PPP3CC: variants seen among roughly 807,000 people sequenced by gnomAD.
PPP3CC encodes the protein protein phosphatase 3 catalytic subunit gamma.
In PPP3CC, 35 loss-of-function variants were observed where a neutral mutation model predicts 60.3. The observed-to-expected ratio is 0.58, with a 90% CI of 0.44 to 0.77. The LOEUF (loss-of-function observed/expected upper bound fraction) is 0.77, where lower values mean the gene tolerates loss of function less well. Ranked by LOEUF, PPP3CC falls within the 30% of genes least tolerant of loss-of-function variation. The probability of loss-of-function intolerance (pLI) is 0.00; values close to 1 mark genes in which losing one functional copy is unlikely to be tolerated. For missense variants in PPP3CC, 570 were observed against 628.9 expected, an observed-to-expected ratio of 0.91 and a Z score of 1.00; for synonymous variants, 206 against 224.3, an observed-to-expected ratio of 0.92 and a Z score of 0.73.
Position 22,526,492 on chromosome 8 carries a change from C to G in PPP3CC, c.944-900C>G, listed in dbSNP as rs146478205. On this transcript the variant is annotated intron_variant, in intron 8 of 13. Transcript: ENST00000240139. ...TAGAAACTATATTTTAATTTATTTT[C>G]TTAATAATATATGGTGTACATTTTA... Among the ~76,000 whole-genome samples, 887 of 152,144 alleles carry G rather than the reference C, an allele frequency of 5.8e-3. 10 individuals carry two copies. Among genetic ancestry groups the G allele is most frequent in the African/African-American group, 0.021 (855 of 41,510 alleles).
At position 22,444,952 on chromosome 8, in the gene PPP3CC, C is replaced by G. The variant is rs565295041; in HGVS notation, c.49+3494C>G. 2.0e-5 allele frequency among the ~76,000 whole-genome samples: 3 copies of G among 152,144 alleles called. No homozygotes were observed. The East Asian group carries it at 5.8e-4, about 29-fold the overall frequency. ...AGCAGTTTATTTCCCTGGAATGAATCTTTTCAGAAGCAACAAGGAAATTTC... is the reference window on the plus strand; with the variant it reads ...AGCAGTTTATTTCCCTGGAATGAATGTTTTCAGAAGCAACAAGGAAATTTC... On this transcript the variant is annotated intron_variant, in intron 1 of 13. Coordinates refer to ENST00000240139, the MANE Select transcript of PPP3CC (RefSeq NM_005605.5).
chr8:22,475,622 G>C lies in PPP3CC; in HGVS notation c.370G>C (p.Glu124Gln). Residue 124 changes from glutamate to glutamine, a missense_variant and splice_region_variant, in exon 3 of 14, where the codon GAG (glutamate) becomes CAG (glutamine). By Grantham distance (29) the Glu-to-Gln change is conservative. Coordinates refer to ENST00000240139, the MANE Select transcript of PPP3CC (RefSeq NM_005605.5). Reference sequence around the variant, plus strand: ...TGTGGACAGAGGCTATTTCAGTATAGAGGTAAAAATTAAACTGGATATGTT... The same window carrying C: ...TGTGGACAGAGGCTATTTCAGTATACAGGTAAAAATTAAACTGGATATGTT... ...DYVDRGYFSI[E>Q]CVLYLWSLKI... The C allele has an allele frequency of 6.2e-7, 1 of 1,611,566 alleles. No individual in the cohort carries two copies. Among genetic ancestry groups the C allele is most frequent in the East Asian group, 2.2e-5 (1 of 44,718 alleles).
At position 22,525,587 on chromosome 8, in the gene PPP3CC, G is replaced by A. The variant is rs148496299; in HGVS notation, c.944-1805G>A. ...CTTTCTCTCTCTCTCTCTTTCTCTC[G>A]GTCTCTGTCACTTAGGTTGGAGCAC... On this transcript the variant is annotated intron_variant, in intron 8 of 13. Transcript: ENST00000240139. Among the ~76,000 whole-genome samples the A allele has an allele frequency of 1.6e-4, 17 of 103,346 alleles. 2 individuals are homozygous for A. The highest frequency in any genetic ancestry group is 5.0e-4 in the African/African-American group (13 of 26,052). 67.8% of individuals were successfully genotyped at this position (103,346 alleles called of 152,430 possible).
intron 1 of PPP3CC, among the ~76,000 whole-genome samples, chr8:22,453,344 C>T (rs1837092468): frequency 6.6e-6 from 1 of 152,180 alleles, no homozygotes; most frequent in South Asian, 2.1e-4. Context: ...TATAGTCACG[C>T]TTACATAGTT....
chr8:22,506,932 T>TA (rs1838941800), intron 4 of PPP3CC, among the ~76,000 whole-genome samples: 1 of 141,438 alleles, frequency 7.1e-6, no homozygotes, highest in African/African-American at 2.5e-5. Flanking sequence ...ATAAATAAAT[T>TA]AATTAATTAA....
At chr8:22,495,990 G>A (rs935509713) in intron 3 of PPP3CC, among the ~76,000 whole-genome samples, 1 of 152,108 alleles carries the variant, frequency 6.6e-6, no homozygotes, top group Non-Finnish European at 1.5e-5. Flanking sequence ...ACTCACTCAT[G>A]TTTTCTTCTA....
At chr8:22,540,373 T>C (rs191880506) in intron 13 of PPP3CC, among the ~76,000 whole-genome samples, 12 of 152,346 alleles carry the variant, frequency 7.9e-5, no homozygotes, top group African/African-American at 7.2e-5. Context: ...TGATTATGCA[T>C]ATAGAGCTTT....
chr8:22,441,655 C>T (rs1000156548), intron 1 of PPP3CC, among the ~76,000 whole-genome samples, 197 bp downstream of exon 1: 7 of 152,172 alleles, frequency 4.6e-5, no homozygotes, highest in African/African-American at 1.7e-4. Flanking sequence ...GGTCAGGTGC[C>T]TGGCCGTCAG....
intron 3 of PPP3CC, 64 bp from the exon 4 acceptor site, chr8:22,497,937 A>G (rs1838638531): frequency 4.8e-6 from 5 of 1,045,314 alleles, no homozygotes; most frequent in Non-Finnish European, 7.1e-6. Context: ...TTTGAATTAT[A>G]TAAATTGTGT....
chr8:22,540,624 G>T lies in PPP3CC; in HGVS notation c.1361G>T (p.Gly454Val). The T allele has an allele frequency of 6.2e-7, 1 of 1,612,918 alleles. No individual in the cohort carries two copies. Among genetic ancestry groups the T allele is most frequent in the Non-Finnish European group, 8.5e-7 (1 of 1,179,642 alleles). ...TCCTGTTTTTCTGTAGCCATCAGAG[G>T]GTTCTCGCTTCAGCACAAGATCCGG... ...EAVEAREAIR[G>V]FSLQHKIRSF... The change falls in exon 14 of 14, where the codon GGG (glycine) becomes GTG (valine). Residue 454 changes from glycine (G) to valine (V), a missense_variant. Gly to Val is a moderately radical substitution (Grantham distance 109, BLOSUM62 -3). Transcript: ENST00000240139.
chr8:22,488,933 A>G (rs1838301392), intron 3 of PPP3CC, among the ~76,000 whole-genome samples: 2 of 152,136 alleles, frequency 1.3e-5, no homozygotes, highest in Non-Finnish European at 2.9e-5. Flanking sequence ...TAAGGGAGAG[A>G]TGGAAGAGGT....
At chr8:22,503,605 G>A (rs1838825811) in intron 4 of PPP3CC, among the ~76,000 whole-genome samples, 1 of 152,126 alleles carries the variant, frequency 6.6e-6, no homozygotes, top group Non-Finnish European at 1.5e-5. Context: ...ATACAGGGAT[G>A]CAATGTGTAA....
chr8:22,458,161 T>C (rs1235207389), intron 1 of PPP3CC, among the ~76,000 whole-genome samples: 5 of 152,172 alleles, frequency 3.3e-5, no homozygotes, highest in Admixed American at 6.5e-5. Flanking sequence ...ACCCATACAA[T>C]GTGAGCATGT....
intron 6 of PPP3CC, among the ~76,000 whole-genome samples, chr8:22,518,773 G>A (rs924166002): frequency 6.6e-6 from 1 of 152,020 alleles, no homozygotes; most frequent in Admixed American, 6.6e-5. Flanking sequence ...TGCAACCTCC[G>A]CTTCCTGGGT....
chr8:22,490,324 CTG>C (rs1249231662), intron 3 of PPP3CC, among the ~76,000 whole-genome samples: 1 of 152,160 alleles, frequency 6.6e-6, no homozygotes, highest in East Asian at 1.9e-4. Flanking sequence ...ACCTGGCAAT[CTG>C]TATTCTGTCG....
rs192916411 is a variant in PPP3CC at position 22,521,911 on chromosome 8, C to T, written c.771-580C>T. Among the ~76,000 whole-genome samples the T allele has an allele frequency of 4.4e-3, 657 of 150,588 alleles. 6 individuals carry two copies. Among genetic ancestry groups the T allele is most frequent in the African/African-American group, 0.016 (637 of 40,978 alleles). ...TATTCCTGCATAAGCTTGCAGTGAG[C>T]CGAGATTGCACCACTGCACTCCAGC... On this transcript the variant is annotated intron_variant, in intron 6 of 13. Coordinates refer to ENST00000240139, the MANE Select transcript of PPP3CC (RefSeq NM_005605.5).
At chr8:22,472,876 C>G (rs538740372) in intron 1 of PPP3CC, among the ~76,000 whole-genome samples, 1 of 152,254 alleles carries the variant, frequency 6.6e-6, no homozygotes, top group South Asian at 2.1e-4. Context: ...CCAGTTCCCA[C>G]TCATTAGTCA....
intron 5 of PPP3CC, among the ~76,000 whole-genome samples, chr8:22,511,516 C>T (rs1036044668): frequency 6.6e-6 from 1 of 152,144 alleles, no homozygotes; most frequent in African/African-American, 2.4e-5. Flanking sequence ...CTGATCTGCC[C>T]ACTTTGGCCT....
chr8:22,523,443 A>T (rs1168445816), intron 8 of PPP3CC, among the ~76,000 whole-genome samples: 1 of 152,184 alleles, frequency 6.6e-6, no homozygotes, highest in Non-Finnish European at 1.5e-5. Flanking sequence ...TAAAAACTTC[A>T]TATTTCTGTA....
Sources: gnomAD v4.1 joint callset for allele counts (sites outside exome capture counted in the v4.1 genomes callset) on GRCh38, gnomAD v4.1.1 for gene constraint, MANE v1.5 for transcripts, NCBI Gene and HGNC (gene_info 2026-07-23, HGNC 2026-07-21) for gene names.